The following MSI2 variants were observed in gnomAD, a reference collection of about 807,000 sequenced individuals.
MSI2 encodes the protein musashi RNA binding protein 2.
In MSI2, 17 loss-of-function variants were observed where a neutral mutation model predicts 45.6. The ratio of observed to expected loss-of-function variants is 0.37; its 90% CI spans 0.26 to 0.56. The LOEUF (loss-of-function observed/expected upper bound fraction) is 0.56, where lower values mean the gene tolerates loss of function less well. Among genes scored for constraint, MSI2 ranks in the 20% least tolerant of loss-of-function variants. The probability of loss-of-function intolerance (pLI) is 0.77; values close to 1 mark genes in which losing one functional copy is unlikely to be tolerated. For synonymous variants in MSI2, 156 were observed against 158.2 expected (o/e 0.99, Z 0.11); for missense variants, 293 against 444.2 (o/e 0.66, Z 3.06).
intron 5 of MSI2, among the ~76,000 whole-genome samples, chr17:57,272,509 A>C (rs894189259): frequency 2.0e-5 from 3 of 152,170 alleles, no homozygotes; most frequent in African/African-American, 7.2e-5. Flanking sequence ...GATCGATAAC[A>C]CTTCATATTG....
intron 11 of MSI2, among the ~76,000 whole-genome samples, chr17:57,674,155 T>C (rs113825494): frequency 0.012 from 1,833 of 151,054 alleles, 15 homozygotes; most frequent in Admixed American, 0.018. Context: ...ATTACTGTTA[T>C]GTCAAGATGC....
intron 5 of MSI2, among the ~76,000 whole-genome samples, chr17:57,400,818 A>G (rs1227828504): frequency 6.6e-6 from 1 of 151,946 alleles, no homozygotes; most frequent in Non-Finnish European, 1.5e-5. Context: ...TGCAGGGTGA[A>G]TCAAGATGAA....
chr17:57,459,967 A>G (rs995100094), intron 6 of MSI2, among the ~76,000 whole-genome samples: 3 of 151,966 alleles, frequency 2.0e-5, no homozygotes, highest in Non-Finnish European at 4.4e-5. Flanking sequence ...CGTCTCTACT[A>G]AAAATGTAAA....
the MSI2 span, among the ~76,000 whole-genome samples, chr17:57,701,393 A>G: frequency 6.6e-6 from 1 of 152,172 alleles, no homozygotes; most frequent in Non-Finnish European, 1.5e-5. Context: ...ATGAATAGGA[A>G]GAATGCCCTT....
At chr17:57,326,670 A>G (rs2143701836) in intron 5 of MSI2, among the ~76,000 whole-genome samples, 1 of 151,768 alleles carries the variant, frequency 6.6e-6, no homozygotes, top group South Asian at 2.1e-4. Context: ...TGTGTTCTAA[A>G]TGCTTTACTT....
At chr17:57,332,022 A>G (rs1210388750) in intron 5 of MSI2, among the ~76,000 whole-genome samples, 5 of 152,312 alleles carry the variant, frequency 3.3e-5, no homozygotes, top group Non-Finnish European at 5.9e-5. Context: ...TTAATAATAG[A>G]AAAGTTTGGT....
chr17:57,326,016 T>C (rs781768088), intron 5 of MSI2, among the ~76,000 whole-genome samples: 9 of 152,132 alleles, frequency 5.9e-5, no homozygotes, highest in Non-Finnish European at 1.0e-4. Flanking sequence ...CCTGCCTAGT[T>C]CAGTGGGGCT....
At chr17:57,428,903 C>T (rs965447377) in intron 6 of MSI2, among the ~76,000 whole-genome samples, 3 of 152,138 alleles carry the variant, frequency 2.0e-5, no homozygotes, top group South Asian at 2.1e-4. Flanking sequence ...AATATATTTA[C>T]CAGCCAGCAT....
At chr17:57,451,488 A>G (rs1301032752) in intron 6 of MSI2, among the ~76,000 whole-genome samples, 1 of 152,198 alleles carries the variant, frequency 6.6e-6, no homozygotes, top group African/African-American at 2.4e-5. Flanking sequence ...CTGTCCTGTG[A>G]CATTTCTGCA....
rs140816916 is a variant in MSI2 at position 57,383,524 on chromosome 17, G to A, written c.313-17855G>A. Among the ~76,000 whole-genome samples, 1,364 of 152,302 alleles carry A rather than the reference G, an allele frequency of 9.0e-3. 5 individuals are homozygous for A. The highest frequency in any genetic ancestry group is 0.014 in the Non-Finnish European group (949 of 68,024). On this transcript the variant is annotated intron_variant, in intron 5 of 13. Transcript: ENST00000284073. Reference sequence around the variant, plus strand: ...ATACAAAAAAGAATTAGTGAGGCATGGCAGTGCATGCCTGTCATCCCAGCT... The same window carrying A: ...ATACAAAAAAGAATTAGTGAGGCATAGCAGTGCATGCCTGTCATCCCAGCT...
At chr17:57,589,336 A>C (rs1225497935) in intron 7 of MSI2, among the ~76,000 whole-genome samples, 1 of 152,138 alleles carries the variant, frequency 6.6e-6, no homozygotes, top group Non-Finnish European at 1.5e-5. Flanking sequence ...CTTGGAACAT[A>C]CTGATCTTCT....
chr17:57,597,015 C>A, intron 8 of MSI2, 65 bp downstream of exon 8: 3 of 1,164,798 alleles, frequency 2.6e-6, no homozygotes, highest in Non-Finnish European at 3.9e-6. Context: ...CCCAGTCTTG[C>A]AGACTGGTCC....
intron 6 of MSI2, among the ~76,000 whole-genome samples, chr17:57,477,476 G>A (rs765249245): frequency 6.6e-6 from 1 of 152,034 alleles, no homozygotes; most frequent in African/African-American, 2.4e-5. Context: ...GTAGTTAACC[G>A]AAACCCATGT....
chr17:57,315,161 T>C (rs1411825398), intron 5 of MSI2, among the ~76,000 whole-genome samples: 1 of 152,164 alleles, frequency 6.6e-6, no homozygotes, highest in Non-Finnish European at 1.5e-5. Context: ...GTGGAAAGTA[T>C]AGAAACTGTT....
At chr17:57,471,208 C>T (rs146706026) in intron 6 of MSI2, among the ~76,000 whole-genome samples, 6 of 151,406 alleles carry the variant, frequency 4.0e-5, no homozygotes, top group Non-Finnish European at 7.4e-5. Flanking sequence ...TTAGCTCCAT[C>T]CAAGGTTTCT....
intron 5 of MSI2, among the ~76,000 whole-genome samples, chr17:57,332,346 C>T (rs1470040767): frequency 6.6e-6 from 1 of 152,128 alleles, no homozygotes; most frequent in Non-Finnish European, 1.5e-5. Flanking sequence ...AGTGATCTGC[C>T]CGCCTCAGTC....
At chr17:57,661,369 CT>C (rs1911978501) in intron 11 of MSI2, among the ~76,000 whole-genome samples, 1 of 152,186 alleles carries the variant, frequency 6.6e-6, no homozygotes, top group Non-Finnish European at 1.5e-5. Context: ...GAGTGGGAAG[CT>C]GTCTGCTAGG....
intron 5 of MSI2, among the ~76,000 whole-genome samples, chr17:57,379,846 T>C (rs1336245423): frequency 1.3e-4 from 20 of 152,242 alleles, no homozygotes; most frequent in Admixed American, 1.3e-3. Context: ...TCCAGAGTTT[T>C]CTTTGTTCTC....
the MSI2 span, among the ~76,000 whole-genome samples, chr17:57,698,634 T>A: frequency 3.3e-5 from 5 of 152,210 alleles, no homozygotes; most frequent in African/African-American, 7.2e-5. Flanking sequence ...CTTGGGTTTA[T>A]TGTTATGGGT....
Sources: gnomAD v4.1 joint callset for allele counts (sites outside exome capture counted in the v4.1 genomes callset) on GRCh38, gnomAD v4.1.1 for gene constraint, MANE v1.5 for transcripts, NCBI Gene and HGNC (gene_info 2026-07-23, HGNC 2026-07-21) for gene names.